The following EVC variants were observed in gnomAD, a reference collection of about 807,000 sequenced individuals.
The protein encoded by EVC is EvC ciliary complex subunit 1.
Under a neutral mutation model 118.9 loss-of-function variants are expected in EVC, and 116 were observed. The observed-to-expected ratio is 0.98, with a 90% confidence interval of 0.84 to 1.14. EVC has a LOEUF of 1.14. Among genes scored for constraint, EVC ranks in the 50% most tolerant of loss-of-function variants. The pLI is 0.00. For missense variants in EVC, 1,401 were observed against 1,246.4 expected, an observed-to-expected ratio of 1.12 and a Z score of -1.87; for synonymous variants, 619 against 534.7, an observed-to-expected ratio of 1.16 and a Z score of -2.18.
intron 5 of EVC, among the ~76,000 whole-genome samples, chr4:5,739,216 G>A (rs908226553): frequency 6.6e-6 from 1 of 152,020 alleles, no homozygotes; most frequent in African/African-American, 2.4e-5. Context: ...ATTTATTTGG[G>A]GTCAGGAAGA....
rs1714474791 is a variant in EVC at position 5,798,896 on chromosome 4, C to G, written c.2304+104C>G. ...GCCACACCGTTCATGGAGCTTGTGGCCTAGTAGACTTTGCCTGACTTCTCC... is the reference window on the plus strand; with the variant it reads ...GCCACACCGTTCATGGAGCTTGTGGGCTAGTAGACTTTGCCTGACTTCTCC... On this transcript the variant is annotated intron_variant, in intron 15 of 20. Coordinates refer to ENST00000264956, the MANE Select transcript of EVC (RefSeq NM_153717.3). The surrounding 1 kb of genome is among the most constrained non-coding windows in gnomAD (Gnocchi z 4.1). 10 of 1,279,952 alleles carry G rather than the reference C, an allele frequency of 7.8e-6. No homozygotes were observed. In the Admixed American group the frequency reaches 1.4e-4, roughly 18 times the overall value. 79.3% of individuals were successfully genotyped at this position (1,279,952 alleles called of 1,614,324 possible).
chr4:5,734,145 C>A (rs907954648), intron 5 of EVC, among the ~76,000 whole-genome samples: 4 of 152,020 alleles, frequency 2.6e-5, no homozygotes, highest in Non-Finnish European at 5.9e-5. Flanking sequence ...CGCAGAACCC[C>A]GGTGGGTTTA....
At chr4:5,806,816 T>C (rs925781994) in intron 17 of EVC, among the ~76,000 whole-genome samples, 1 of 152,230 alleles carries the variant, frequency 6.6e-6, no homozygotes, top group Admixed American at 6.5e-5. Flanking sequence ...GGTGCATAAG[T>C]GTTCCCTTTT....
chr4:5,718,054 T>C (rs903617902), intron 1 of EVC, among the ~76,000 whole-genome samples: 3 of 152,206 alleles, frequency 2.0e-5, no homozygotes, highest in Non-Finnish European at 4.4e-5. Flanking sequence ...GTGCAAAGAT[T>C]ATATTCATGA....
chr4:5,825,431 G>T, the EVC span: 19 of 1,501,036 alleles, frequency 1.3e-5, 1 homozygote, highest in East Asian at 4.7e-4. This position sits in a 1 kb window ranked among gnomAD's most constrained non-coding sequence, Gnocchi z 4.4. Flanking sequence ...CTCAGAAGCA[G>T]CAGGAAGGAC....
chr4:5,747,868 G>A lies in EVC; in HGVS notation c.940-280G>A, dbSNP rs117866830. Among the ~76,000 whole-genome samples, 110 of 152,278 alleles carry A rather than the reference G, an allele frequency of 7.2e-4. 1 individual carries two copies. The East Asian group carries it at 0.02, about 27-fold the overall frequency. On this transcript the variant is annotated intron_variant, in intron 7 of 20. Coordinates refer to ENST00000264956, the MANE Select transcript of EVC (RefSeq NM_153717.3). ...GCTGTAATGACCTGTGCAAGAGTCT[G>A]TAGGCTGGACAAGCTACTGCTTTCT...
intron 12 of EVC, 116 bp downstream of exon 12, chr4:5,783,880 G>T: frequency 1.0e-6 from 1 of 971,922 alleles, no homozygotes; most frequent in Non-Finnish European, 1.6e-6. Context: ...GCTCTACGGA[G>T]ATGACTGTTG....
intron 2 of EVC, among the ~76,000 whole-genome samples, chr4:5,722,784 A>C (rs2151869283): frequency 6.6e-6 from 1 of 152,314 alleles, no homozygotes; most frequent in Non-Finnish European, 1.5e-5. Context: ...AATTTTCTGA[A>C]TAATTGCATT....
At chr4:5,724,006 G>A (rs1412506578) in intron 2 of EVC, among the ~76,000 whole-genome samples, 2 of 152,190 alleles carry the variant, frequency 1.3e-5, no homozygotes, top group South Asian at 2.1e-4. Flanking sequence ...GAGGCACATC[G>A]ATGGAAATTC....
intron 2 of EVC, among the ~76,000 whole-genome samples, chr4:5,728,625 G>C (rs541059199): frequency 1.3e-5 from 2 of 152,212 alleles, no homozygotes; most frequent in South Asian, 2.1e-4. Flanking sequence ...TGTGGTCTTC[G>C]AGGGCAGCTA....
chr4:5,821,798 G>C, the EVC span: 8 of 1,611,594 alleles, frequency 5.0e-6, no homozygotes, highest in Non-Finnish European at 6.8e-6. This position sits in a 1 kb window ranked among gnomAD's most constrained non-coding sequence, Gnocchi z 4.4. Context: ...CCACCAGGGG[G>C]CGCCACGATG....
intron 8 of EVC, among the ~76,000 whole-genome samples, chr4:5,748,789 C>T (rs1487974077): frequency 1.0e-5 from 1 of 100,298 alleles, no homozygotes; most frequent in East Asian, 3.7e-4. Context: ...CCCATCCATC[C>T]ATCCATCCAT....
intron 1 of EVC, among the ~76,000 whole-genome samples, chr4:5,716,721 T>C (rs1560269329): frequency 6.6e-6 from 1 of 152,224 alleles, no homozygotes; most frequent in East Asian, 1.9e-4. Flanking sequence ...GCTTATCAAG[T>C]TGTTGATAAT....
chr4:5,725,532 A>G (rs970946878), intron 2 of EVC, among the ~76,000 whole-genome samples: 7 of 152,124 alleles, frequency 4.6e-5, no homozygotes, highest in Admixed American at 4.6e-4. Flanking sequence ...CTTTTGAGAA[A>G]TGTCTGTTCA....
rs73077515 is a variant in EVC at position 5,798,658 on chromosome 4, C to T, written c.2170C>T (p.Arg724Trp). 1.8e-5 allele frequency: 28 copies of T among 1,592,910 alleles called. No homozygotes were observed. Among genetic ancestry groups the T allele is most frequent in the Middle Eastern group, 2.0e-4 (1 of 5,112 alleles). Residue 724 changes from arginine (R) to tryptophan (W), a missense_variant, in exon 15 of 21, where the codon CGG (arginine) becomes TGG (tryptophan). By Grantham distance (101) the Arg-to-Trp change is moderately radical. Transcript: ENST00000264956. The surrounding 1 kb of genome is among the most constrained non-coding windows in gnomAD (Gnocchi z 4.1). ...GCAGACACGGCTGCAGCTCCAGCAG[C>T]GGCTCCTGGCCGAGGCCCAGGAGGT... is the stretch of plus-strand genomic sequence containing the variant. ...AQQTRLQLQQ[R>W]LLAEAQEVGQ...
At chr4:5,790,672 C>T (rs1261359258) in intron 12 of EVC, among the ~76,000 whole-genome samples, 1 of 152,116 alleles carries the variant, frequency 6.6e-6, no homozygotes, top group Non-Finnish European at 1.5e-5. Flanking sequence ...AGCTGTGTGA[C>T]CTTGGACCTC....
the EVC span, chr4:5,828,666 C>T: frequency 0.033 from 53,409 of 1,613,228 alleles, 2,744 homozygotes; most frequent in African/African-American, 0.24. Context: ...TGTACTCCAC[C>T]GCCTGCACCA....
the EVC span, among the ~76,000 whole-genome samples, chr4:5,827,089 G>C: frequency 6.6e-6 from 1 of 152,208 alleles, no homozygotes; most frequent in African/African-American, 2.4e-5. Flanking sequence ...AGCTCCTGCA[G>C]GCATGAAGGA....
chr4:5,767,622 G>A (rs199566952), intron 11 of EVC, among the ~76,000 whole-genome samples: 37,956 of 149,466 alleles, frequency 0.25, 5,141 homozygotes, highest in East Asian at 0.31. Flanking sequence ...TTTTAAGCCC[G>A]TCGGAAAAGC....
Sources: gnomAD v4.1 joint callset for allele counts (sites outside exome capture counted in the v4.1 genomes callset) on GRCh38, gnomAD v4.1.1 for gene constraint, Gnocchi (gnomAD v3.1) non-coding constraint, MANE v1.5 for transcripts, NCBI Gene and HGNC (gene_info 2026-07-23, HGNC 2026-07-21) for gene names.